GYPC: variants seen among roughly 807,000 people sequenced by gnomAD.
The protein encoded by GYPC is glycophorin-C.
Under a neutral mutation model 12.6 loss-of-function variants are expected in GYPC, and 14 were observed. That is an observed-to-expected ratio of 1.11 (90% CI 0.74 to 1.74). The LOEUF is 1.74. GYPC is among the 40% of genes most tolerant of loss of function. The probability of loss-of-function intolerance (pLI) is 0.00; values close to 1 mark genes in which losing one functional copy is unlikely to be tolerated. For synonymous variants in GYPC, 78 were observed against 62.1 expected (o/e 1.26, Z -1.20); for missense variants, 225 against 172.1 (o/e 1.31, Z -1.72).
intron 1 of GYPC, chr2:126,680,244 G>A (rs1683117457): frequency 6.6e-6 from 1 of 152,254 alleles, no homozygotes; most frequent in Non-Finnish European, 1.5e-5. Flanking sequence ...TGTGAATAAG[G>A]ATGAAGAGGT....
At chr2:126,662,019 G>A (rs896895000) in intron 1 of GYPC, among the ~76,000 whole-genome samples, 1 of 152,190 alleles carries the variant, frequency 6.6e-6, no homozygotes, top group African/African-American at 2.4e-5. Context: ...CCTCACACCC[G>A]CTGCTCCCAC....
rs187302981 is a variant in GYPC, at chr2:126,689,053, G to A, written c.50-1202G>A. 6.6e-5 allele frequency among the ~76,000 whole-genome samples: 10 copies of A among 152,324 alleles called. No homozygotes were observed. The East Asian group carries it at 1.3e-3, about 21-fold the overall frequency. ...CTCTAGGAAACATCAGGTCCCCAAT[G>A]TCCTAGACATCCTACCCTCTTTGGC... is the stretch of plus-strand genomic sequence containing the variant. On this transcript the variant is annotated intron_variant, in intron 1 of 3. Coordinates refer to ENST00000259254, the MANE Select transcript of GYPC (RefSeq NM_002101.5).
chr2:126,666,708 TACACACACACACAC>T (rs67904410), intron 1 of GYPC, among the ~76,000 whole-genome samples: 12,832 of 118,354 alleles, frequency 0.11, 793 homozygotes, highest in South Asian at 0.16. Flanking sequence ...CCTCCCTCCC[TACACACACACACAC>T]ACACACACAC....
chr2:126,696,206 C>A lies in GYPC; in HGVS notation c.*64C>A. On this transcript the variant is annotated 3_prime_UTR_variant, in exon 4 of 4. Transcript: ENST00000259254. Reference sequence around the variant, plus strand: ...CTCCATCAGGAAAAATACACCCCATCGCCCAGCACCCCTGCTGATACCACC... The same window carrying A: ...CTCCATCAGGAAAAATACACCCCATAGCCCAGCACCCCTGCTGATACCACC... The A allele has an allele frequency of 8.6e-7, 1 of 1,161,372 alleles. No homozygotes were observed. Among genetic ancestry groups the A allele is most frequent in the Non-Finnish European group, 1.3e-6 (1 of 781,664 alleles). The allele number at this position is 1,161,372 out of a possible 1,614,324, so 71.9% of individuals were successfully genotyped here.
intron 1 of GYPC, among the ~76,000 whole-genome samples, chr2:126,673,236 A>T (rs1371981003): frequency 6.6e-6 from 1 of 152,134 alleles, no homozygotes; most frequent in Non-Finnish European, 1.5e-5. Context: ...GTTGCTCCGG[A>T]AGAGACTGAC....
At chr2:126,672,608 C>T (rs1272500942) in intron 1 of GYPC, among the ~76,000 whole-genome samples, 2 of 152,120 alleles carry the variant, frequency 1.3e-5, no homozygotes, top group African/African-American at 2.4e-5. Context: ...GTGCATGGAC[C>T]CCTCAACCGC....
chr2:126,661,238 G>A (rs943236479), intron 1 of GYPC, among the ~76,000 whole-genome samples: 3 of 152,056 alleles, frequency 2.0e-5, no homozygotes, highest in African/African-American at 7.2e-5. Context: ...GTGAGCCCTG[G>A]GCTTGGTGAG....
Position 126,690,368 on chromosome 2 carries a change from C to T in GYPC, c.106+57C>T, listed in dbSNP as rs1378852928. On this transcript the variant is annotated intron_variant, in intron 2 of 3. Coordinates refer to ENST00000259254, the MANE Select transcript of GYPC (RefSeq NM_002101.5). ...GGAAACTGCCGTGACTTCAGATGAGCTCTCATCACAGAGCCCTTTAAGCAG... is the reference window on the plus strand; with the variant it reads ...GGAAACTGCCGTGACTTCAGATGAGTTCTCATCACAGAGCCCTTTAAGCAG... The T allele has an allele frequency of 3.1e-5, 40 of 1,270,122 alleles. No individual in the cohort carries two copies. In the Admixed American group the frequency reaches 6.7e-4, roughly 21 times the overall value. The allele number at this position is 1,270,122 out of a possible 1,614,324, so 78.7% of individuals were successfully genotyped here. A position where few individuals can be genotyped will look rare whatever the true frequency, so the allele number is the denominator to read the frequency against.
intron 1 of GYPC, among the ~76,000 whole-genome samples, chr2:126,668,430 G>A (rs1164977053): frequency 6.6e-6 from 1 of 152,154 alleles, no homozygotes; most frequent in Non-Finnish European, 1.5e-5. Flanking sequence ...TGCTCTCAGG[G>A]AGGACACTTT....
At chr2:126,685,175 A>G (rs970812103) in intron 1 of GYPC, among the ~76,000 whole-genome samples, 4 of 152,216 alleles carry the variant, frequency 2.6e-5, no homozygotes, top group African/African-American at 9.7e-5. Flanking sequence ...TAGTTAATGT[A>G]CTTCAACTCT....
intron 1 of GYPC, among the ~76,000 whole-genome samples, chr2:126,669,726 C>T (rs907554896): frequency 2.0e-5 from 3 of 152,172 alleles, no homozygotes; most frequent in African/African-American, 7.2e-5. Context: ...GTGGCGGTCA[C>T]AGGAGGATGA....
At chr2:126,662,821 T>G (rs1454768049) in intron 1 of GYPC, among the ~76,000 whole-genome samples, 1 of 152,144 alleles carries the variant, frequency 6.6e-6, no homozygotes. Context: ...ATAATTGTGC[T>G]TAATTGCTTC....
chr2:126,687,812 T>C (rs1683334405), intron 1 of GYPC, among the ~76,000 whole-genome samples: 1 of 152,178 alleles, frequency 6.6e-6, no homozygotes, highest in African/African-American at 2.4e-5. Context: ...GAAGTGTGTG[T>C]AGTCTCCCAG....
At chr2:126,667,589 G>A (rs867104896) in intron 1 of GYPC, among the ~76,000 whole-genome samples, 4 of 151,712 alleles carry the variant, frequency 2.6e-5, no homozygotes, top group Non-Finnish European at 2.9e-5. Flanking sequence ...TTTTAGTAGA[G>A]ACGGGGTTTC....
At chr2:126,691,831 T>C (rs1255410198) in intron 2 of GYPC, among the ~76,000 whole-genome samples, 2 of 152,184 alleles carry the variant, frequency 1.3e-5, no homozygotes, top group Non-Finnish European at 2.9e-5. Flanking sequence ...GGACAAACTG[T>C]CCTAATAAAT....
intron 1 of GYPC, among the ~76,000 whole-genome samples, chr2:126,671,739 C>A (rs1038438199): frequency 7.9e-5 from 12 of 152,198 alleles, no homozygotes; most frequent in African/African-American, 2.9e-4. Context: ...AGACAGTGAA[C>A]AAACCAGCAG....
At chr2:126,685,454 A>G (rs1282824572) in intron 1 of GYPC, among the ~76,000 whole-genome samples, 2 of 151,298 alleles carry the variant, frequency 1.3e-5, no homozygotes, top group African/African-American at 2.4e-5. Flanking sequence ...ATGCAATCTC[A>G]GCTCACTACA....
At position 126,685,779 on chromosome 2, in the gene GYPC, G is replaced by A. The variant is rs796096865; in HGVS notation, c.50-4476G>A. 16 of 985,170 alleles carry A rather than the reference G, an allele frequency of 1.6e-5. No individual in the cohort carries two copies. In the South Asian group the frequency reaches 1.9e-4, roughly 12 times the overall value. The allele number at this position is 985,170 out of a possible 1,614,324, so 61.0% of individuals were successfully genotyped here. ...CCTGGCCAACTGTCAAGCAGTCAAC[G>A]TTGCTGTTGCTGCTGCATCACTGTC... On this transcript the variant is annotated intron_variant, in intron 1 of 3. Coordinates refer to ENST00000259254, the MANE Select transcript of GYPC (RefSeq NM_002101.5).
rs528634493 is a variant in GYPC, at chr2:126,684,606, C to T, written c.50-5649C>T. Among the ~76,000 whole-genome samples, 67 of 152,310 alleles carry T rather than the reference C, an allele frequency of 4.4e-4. 2 individuals carry two copies. The South Asian group carries it at 0.012, about 28-fold the overall frequency. On this transcript the variant is annotated intron_variant, in intron 1 of 3. Coordinates refer to ENST00000259254, the MANE Select transcript of GYPC (RefSeq NM_002101.5). ...GGGTTCCAACAGAGAGCAACCTTTTCCCAACTTACCCACATGCATTTGTCC... is the reference window on the plus strand; with the variant it reads ...GGGTTCCAACAGAGAGCAACCTTTTTCCAACTTACCCACATGCATTTGTCC...
Sources: allele counts gnomAD v4.1 joint callset (sites outside exome capture counted in the v4.1 genomes callset), GRCh38; gene constraint gnomAD v4.1.1; transcripts MANE v1.5; gene names NCBI Gene and HGNC (gene_info 2026-07-23, HGNC 2026-07-21).